Variants in MED15 observed in about 807,000 individuals in gnomAD.
MED15 encodes the protein mediator complex subunit 15.
In MED15, 41 loss-of-function variants were observed where a neutral mutation model predicts 118.7. The observed-to-expected ratio is 0.35, with a 90% CI of 0.27 to 0.45. The LOEUF (loss-of-function observed/expected upper bound fraction) is 0.45. Among genes scored for constraint, MED15 ranks in the 20% least tolerant of loss-of-function variants. MED15 has a pLI of 1.00. For synonymous variants in MED15, 436 were observed against 413.9 expected (o/e 1.05, Z -0.65); for missense variants, 740 against 1,025.5 (o/e 0.72, Z 3.80).
intron 5 of MED15, among the ~76,000 whole-genome samples, chr22:20,558,644 G>C (rs1358866772): frequency 6.6e-6 from 1 of 152,156 alleles, no homozygotes; most frequent in African/African-American, 2.4e-5. Context: ...TGGAATGCTG[G>C]CCTGCAGCAG....
At chr22:20,558,491 G>A (rs1193159717) in intron 5 of MED15, among the ~76,000 whole-genome samples, 4 of 152,126 alleles carry the variant, frequency 2.6e-5, no homozygotes, top group South Asian at 2.1e-4. Flanking sequence ...TTCACTCTGC[G>A]CATTTTTGTT....
At chr22:20,585,968 T>TC in intron 17 of MED15, 142 bp downstream of exon 17, 1 of 752,774 alleles carries the variant, frequency 1.3e-6, no homozygotes, top group Non-Finnish European at 2.2e-6. Flanking sequence ...CTCTTCTGGC[T>TC]CCTCCTGCAC....
At chr22:20,526,193 A>G (rs2054640071) in intron 1 of MED15, among the ~76,000 whole-genome samples, 1 of 152,088 alleles carries the variant, frequency 6.6e-6, no homozygotes, top group Non-Finnish European at 1.5e-5. Flanking sequence ...GCCTCATTTA[A>G]TTTTTAATTA....
At chr22:20,530,391 A>C (rs943437945) in intron 1 of MED15, among the ~76,000 whole-genome samples, 2 of 152,224 alleles carry the variant, frequency 1.3e-5, no homozygotes, top group African/African-American at 4.8e-5. Context: ...AGCAGAACAT[A>C]AATCGGCTGA....
At chr22:20,579,975 T>C (rs573893793) in intron 9 of MED15, among the ~76,000 whole-genome samples, 55 of 152,024 alleles carry the variant, frequency 3.6e-4, no homozygotes, top group African/African-American at 1.2e-3. Context: ...TTCAGATGAG[T>C]CTTTGGGGGG....
At chr22:20,565,851 C>G (rs1329173456) in intron 6 of MED15, among the ~76,000 whole-genome samples, 1 of 152,154 alleles carries the variant, frequency 6.6e-6, no homozygotes, top group African/African-American at 2.4e-5. Context: ...GCTGAAGTTT[C>G]TAGGTATGCC....
At chr22:20,530,438 A>G (rs191292844) in intron 1 of MED15, among the ~76,000 whole-genome samples, 14 of 152,294 alleles carry the variant, frequency 9.2e-5, no homozygotes, top group African/African-American at 3.1e-4. Flanking sequence ...CAGGAGGGTG[A>G]ATCTGTGCCC....
chr22:20,547,958 T>C (rs975580516), intron 2 of MED15, among the ~76,000 whole-genome samples: 1 of 152,042 alleles, frequency 6.6e-6, no homozygotes, highest in East Asian at 1.9e-4. Context: ...GATGATCGCG[T>C]CACTGCACTC....
intron 1 of MED15, among the ~76,000 whole-genome samples, chr22:20,520,003 A>C (rs998595530): frequency 7.2e-5 from 11 of 152,008 alleles, no homozygotes; most frequent in African/African-American, 1.7e-4. Flanking sequence ...TGGCCCCAGC[A>C]GCTTCTCTGA....
intron 1 of MED15, among the ~76,000 whole-genome samples, chr22:20,516,472 G>T (rs1448189011): frequency 6.6e-6 from 1 of 152,032 alleles, no homozygotes; most frequent in East Asian, 1.9e-4. Context: ...TTGATCTTTG[G>T]CCTCTGCCAA....
chr22:20,560,744 T>C (rs1232942971), intron 5 of MED15, among the ~76,000 whole-genome samples: 2 of 152,210 alleles, frequency 1.3e-5, no homozygotes, highest in Admixed American at 1.3e-4. Flanking sequence ...TATTTAATTC[T>C]TAGTCCAGTG....
chr22:20,554,581 G>A lies in MED15; in HGVS notation c.239-355G>A, dbSNP rs111907855. On this transcript the variant is annotated intron_variant, in intron 4 of 17. Coordinates refer to ENST00000263205, the MANE Select transcript of MED15 (RefSeq NM_001003891.3). The stretch of plus-strand genomic sequence containing the variant: ...CAGAAGGGCCCATCGTGCTTTGTAC[G>A]CTCACCCAGCAGGAGGGCTGGACAG... The A allele has an allele frequency of 2.0e-3, 385 of 191,832 alleles. 3 individuals are homozygous for A. Among genetic ancestry groups the A allele is most frequent in the African/African-American group, 8.0e-3 (342 of 42,950 alleles). 11.9% of individuals were successfully genotyped at this position (191,832 alleles called of 1,614,324 possible). A position where few individuals can be genotyped will look rare whatever the true frequency, so the allele number is the denominator to read the frequency against.
Position 20,545,597 on chromosome 22 carries a change from G to C in MED15, c.157-5839G>C, listed in dbSNP as rs188080204. Among the ~76,000 whole-genome samples the C allele has an allele frequency of 3.3e-5, 5 of 152,058 alleles. No individual in the cohort carries two copies. The East Asian group carries it at 9.7e-4, about 29-fold the overall frequency. ...TTTTAAATGGGTGAATTGTATCTCA[G>C]CCAGCCTATTACATATATTTTTAAT... On this transcript the variant is annotated intron_variant, in intron 2 of 17. Coordinates refer to ENST00000263205, the MANE Select transcript of MED15 (RefSeq NM_001003891.3).
chr22:20,507,803 G>C (rs2053920082), intron 1 of MED15, 57 bp downstream of exon 1: 7 of 1,609,300 alleles, frequency 4.3e-6, no homozygotes, highest in Admixed American at 3.4e-5. Context: ...TTAGCGTGGC[G>C]GGCGAGGCCA....
At chr22:20,561,441 A>G (rs1309925283) in intron 5 of MED15, among the ~76,000 whole-genome samples, 1 of 151,884 alleles carries the variant, frequency 6.6e-6, no homozygotes, top group Non-Finnish European at 1.5e-5. Flanking sequence ...AATCGCTAGA[A>G]CCCGGGAGGC....
At chr22:20,570,746 C>CTTTCTTT (rs1569236484) in intron 8 of MED15, among the ~76,000 whole-genome samples, 17 of 62,104 alleles carry the variant, frequency 2.7e-4, no homozygotes, top group East Asian at 5.3e-4. Flanking sequence ...TTCTTTCTTT[C>CTTTCTTT]TTTTTTTTTT....
chr22:20,584,442 A>G lies in MED15; in HGVS notation c.1803+17A>G, dbSNP rs767030561. On this transcript the variant is annotated intron_variant, in intron 14 of 17. Coordinates refer to ENST00000263205, the MANE Select transcript of MED15 (RefSeq NM_001003891.3). ...ATGGCGGTGGTGAGTGGGATGCCAG[A>G]CACCCCTAGGGGAACCAGGGCTCTC... 1 of 1,612,780 alleles carries G rather than the reference A, an allele frequency of 6.2e-7. No individual in the cohort carries two copies. Among genetic ancestry groups the G allele is most frequent in the South Asian group, 1.1e-5 (1 of 91,056 alleles).
At chr22:20,541,583 C>T (rs991534929) in intron 2 of MED15, among the ~76,000 whole-genome samples, 15 of 150,906 alleles carry the variant, frequency 9.9e-5, no homozygotes, top group African/African-American at 2.9e-4. Context: ...TCCCAAATTC[C>T]GGTGATTTTC....
chr22:20,512,148 C>T (rs1569163316), intron 1 of MED15, among the ~76,000 whole-genome samples: 1 of 151,774 alleles, frequency 6.6e-6, no homozygotes. Flanking sequence ...ACCACCACGC[C>T]TGACTGATTT....
Sources: gnomAD v4.1 joint callset for allele counts (sites outside exome capture counted in the v4.1 genomes callset) on GRCh38, gnomAD v4.1.1 for gene constraint, MANE v1.5 for transcripts, NCBI Gene and HGNC (gene_info 2026-07-23, HGNC 2026-07-21) for gene names.